GON4L: variants seen among roughly 807,000 people sequenced by gnomAD.
GON4L encodes gon-4 like.
In GON4L, 87 loss-of-function variants were observed where a neutral mutation model predicts 211.8. That is an observed-to-expected ratio of 0.41 (90% CI 0.35 to 0.49). The LOEUF (loss-of-function observed/expected upper bound fraction) is 0.49, where lower values mean the gene tolerates loss of function less well. GON4L is among the 20% of genes least tolerant of loss of function. The pLI, the probability that GON4L is intolerant of heterozygous loss-of-function variation, is 0.15. For synonymous variants in GON4L, 875 were observed against 962.6 expected (o/e 0.91, Z 1.68); for missense variants, 2,155 against 2,659.5 (o/e 0.81, Z 4.17).
intron 6 of GON4L, among the ~76,000 whole-genome samples, chr1:155,817,243 C>T (rs1170502000): frequency 6.6e-6 from 1 of 152,148 alleles, no homozygotes; most frequent in East Asian, 1.9e-4. Context: ...ATCCTCCCAC[C>T]TTAGCCTCTC....
intron 13 of GON4L, 86 bp from the exon 14 acceptor site, chr1:155,784,175 A>T: frequency 1.3e-6 from 2 of 1,544,232 alleles, no homozygotes; most frequent in Non-Finnish European, 8.9e-7. Context: ...TGAAAACTAT[A>T]GATTACAAGA....
At chr1:155,774,307 A>AT (rs59844793) in intron 17 of GON4L, among the ~76,000 whole-genome samples, 12 of 107,370 alleles carry the variant, frequency 1.1e-4, no homozygotes, top group Admixed American at 3.0e-4. Context: ...AAGTTAGTTG[A>AT]TTTTTTTTTT....
intron 21 of GON4L, chr1:155,764,684 C>G: frequency 1.5e-6 from 1 of 655,530 alleles, no homozygotes; most frequent in South Asian, 1.9e-5. Context: ...TGTGATCCAC[C>G]CACCTCAGCC....
At chr1:155,773,026 G>T (rs764023057) in intron 18 of GON4L, 40 bp downstream of exon 18, 2 of 1,609,350 alleles carry the variant, frequency 1.2e-6, no homozygotes, top group South Asian at 1.1e-5. Flanking sequence ...CTTCTCCTTG[G>T]GATGTTCTGC....
At chr1:155,829,288 T>C (rs1669522769) in intron 2 of GON4L, among the ~76,000 whole-genome samples, 2 of 152,150 alleles carry the variant, frequency 1.3e-5, no homozygotes, top group Non-Finnish European at 2.9e-5. Flanking sequence ...AATTAGTTGA[T>C]TTGTACTGTT....
At chr1:155,747,815 G>A, downstream of GON4L, 1 of 1,608,688 alleles carries the variant, frequency 6.2e-7, no homozygotes, top group Non-Finnish European at 8.5e-7. Context: ...TAGGCGCGAA[G>A]GCGGCAGAGC....
chr1:155,788,598 C>G (rs1340198508), intron 12 of GON4L, among the ~76,000 whole-genome samples: 3 of 152,018 alleles, frequency 2.0e-5, no homozygotes, highest in African/African-American at 7.2e-5. Flanking sequence ...CCCAGGTGAT[C>G]AACACAAAAA....
Position 155,765,598 on chromosome 1 carries a change from A to ACGGTCCAG in GON4L, c.3867_3874dup (p.Val1292AlafsTer5), listed in dbSNP as rs1354342097. The ACGGTCCAG allele has an allele frequency of 6.2e-7, 1 of 1,613,982 alleles. No homozygotes were observed. The highest frequency in any genetic ancestry group is 8.5e-7 in the Non-Finnish European group (1 of 1,180,016). On this transcript the variant is annotated frameshift_variant, in exon 21 of 32. Coordinates refer to ENST00000368331, the MANE Select transcript of GON4L (RefSeq NM_001282860.2). LOFTEE classifies it high-confidence loss of function. ...TTGCCTCCCCTCCTCTGTTTTCACA[A>ACGGTCCAG]CGGTCCAGCGACAGGCACTATTCTC...
intron 10 of GON4L, 80 bp from the exon 11 acceptor site, chr1:155,805,221 C>T: frequency 1.1e-6 from 1 of 938,462 alleles, no homozygotes. Context: ...CTCATCTTAG[C>T]TTAAGTAACA....
chr1:155,827,573 T>G (rs1002443419), intron 2 of GON4L, among the ~76,000 whole-genome samples: 3 of 151,980 alleles, frequency 2.0e-5, no homozygotes, highest in African/African-American at 7.3e-5. Context: ...TAGTCCTAGT[T>G]ACTTGGGGGG....
Position 155,752,238 on chromosome 1 carries a change from T to G in GON4L, c.6195A>C (p.Arg2065Ser). 6.2e-7 allele frequency: 1 copy of G among 1,611,720 alleles called. No homozygotes were observed. Among genetic ancestry groups the G allele is most frequent in the Non-Finnish European group, 8.5e-7 (1 of 1,178,024 alleles). The change falls in exon 30 of 32, where the codon AGA (arginine) becomes AGC (serine). Residue 2065 changes from arginine to serine, a missense_variant. This residue lies in a region of GON4L where 186 missense variants were observed against 308.1 expected (regional missense o/e 0.60). Coordinates refer to ENST00000368331, the MANE Select transcript of GON4L (RefSeq NM_001282860.2). ...VSSKTRDAGRRHVSGKPDTQE... is the reference protein window; with the variant it reads ...VSSKTRDAGRSHVSGKPDTQE... Reference sequence around the variant, plus strand: ...GAGTGTCTGGTTTCCCGGACACATGTCTTCTCCCTGCATCTCTGGTCTTTG... The same window carrying G: ...GAGTGTCTGGTTTCCCGGACACATGGCTTCTCCCTGCATCTCTGGTCTTTG...
chr1:155,842,536 A>C (rs1670869524), intron 2 of GON4L, among the ~76,000 whole-genome samples: 1 of 145,262 alleles, frequency 6.9e-6, no homozygotes, highest in African/African-American at 2.6e-5. Flanking sequence ...AAAAAAAAAA[A>C]AAAAAAAAAA....
At chr1:155,745,548 G>C (rs1022064635), downstream of GON4L, among the ~76,000 whole-genome samples, 1 of 152,272 alleles carries the variant, frequency 6.6e-6, no homozygotes, top group African/African-American at 2.4e-5. Flanking sequence ...GCGGCCCCAA[G>C]TCAGCGGCGG....
chr1:155,809,890 A>ATATATAATTATAAATTATATACT lies in GON4L; in HGVS notation c.1452+3743_1452+3744insAGTATATAATTTATAATTATATA, dbSNP rs1557885835. Reference sequence around the variant, plus strand: ...TTATATATAATTATAAATTATATACATATATATAATTATAAATTATATACA... The same window carrying ATATATAATTATAAATTATATACT: ...TTATATATAATTATAAATTATATACATATATAATTATAAATTATATACTTATATATAATTATAAATTATATACA... On this transcript the variant is annotated intron_variant, in intron 10 of 31. Coordinates refer to ENST00000368331, the MANE Select transcript of GON4L (RefSeq NM_001282860.2). Among the ~76,000 whole-genome samples, 38 of 14,990 alleles carry ATATATAATTATAAATTATATACT rather than the reference A, an allele frequency of 2.5e-3. 5 individuals are homozygous for ATATATAATTATAAATTATATACT. Among genetic ancestry groups the ATATATAATTATAAATTATATACT allele is most frequent in the African/African-American group, 7.8e-3 (37 of 4,748 alleles). 9.8% of individuals were successfully genotyped at this position (14,990 alleles called of 152,430 possible). A position where few individuals can be genotyped will look rare whatever the true frequency, so the allele number is the denominator to read the frequency against.
intron 12 of GON4L, among the ~76,000 whole-genome samples, chr1:155,788,292 C>A (rs1665163630): frequency 6.6e-6 from 1 of 151,774 alleles, no homozygotes; most frequent in East Asian, 1.9e-4. Context: ...CATGCCCAGC[C>A]AACAAAAAAA....
chr1:155,746,965 T>C (rs780960252), downstream of GON4L: 10 of 1,601,376 alleles, frequency 6.2e-6, no homozygotes, highest in Admixed American at 8.5e-5. Context: ...ATTTTAAATG[T>C]CTTAGAATGA....
chr1:155,809,992 T>TTATATATA lies in GON4L; in HGVS notation c.1452+3634_1452+3641dup, dbSNP rs376035223. Among the ~76,000 whole-genome samples the TTATATATA allele has an allele frequency of 8.9e-3, 104 of 11,700 alleles. 8 individuals carry two copies. Among genetic ancestry groups the TTATATATA allele is most frequent in the Non-Finnish European group, 0.026 (47 of 1,820 alleles). The allele number at this position is 11,700 out of a possible 152,430, so 7.7% of individuals were successfully genotyped here. On this transcript the variant is annotated intron_variant, in intron 10 of 31. Coordinates refer to ENST00000368331, the MANE Select transcript of GON4L (RefSeq NM_001282860.2). ...AATTATAAATTATATATATATATAA[T>TTATATATA]TATATATATATATATATTTTTGAAA...
At chr1:155,804,856 C>T (rs1666995112) in intron 11 of GON4L, 93 bp downstream of exon 11, 2 of 868,778 alleles carry the variant, frequency 2.3e-6, no homozygotes, top group Admixed American at 1.7e-5. Context: ...AATCAATTAA[C>T]CCAAACCATT....
At chr1:155,808,372 C>CTT (rs1290065125) in intron 10 of GON4L, among the ~76,000 whole-genome samples, 1 of 152,128 alleles carries the variant, frequency 6.6e-6, no homozygotes, top group Admixed American at 6.6e-5. Context: ...ATCTACACCC[C>CTT]TTATCATGGT....
Sources: allele counts gnomAD v4.1 joint callset (sites outside exome capture counted in the v4.1 genomes callset), GRCh38; gene constraint gnomAD v4.1.1; regional missense constraint gnomAD v4.1.1; transcripts MANE v1.5; gene names NCBI Gene and HGNC (gene_info 2026-07-23, HGNC 2026-07-21).